Variants in TUSC3 observed in about 807,000 individuals in gnomAD.
TUSC3 encodes tumor suppressor candidate 3, also known as dolichyl-diphosphooligosaccharide--protein glycosyltransferase subunit TUSC3.
Under a neutral mutation model 44.8 loss-of-function variants are expected in TUSC3, and 45 were observed. That is an observed-to-expected ratio of 1.00 (90% CI 0.79 to 1.29). TUSC3 has a LOEUF of 1.29. Ranked by LOEUF, TUSC3 falls within the 50% of genes most tolerant of loss-of-function variation. The pLI, the probability that TUSC3 is intolerant of heterozygous loss-of-function variation, is 0.00. For synonymous variants in TUSC3, 212 were observed against 152.9 expected (o/e 1.39, Z -2.85); for missense variants, 519 against 437.9 (o/e 1.19, Z -1.65).
At chr8:15,829,155 T>A in the TUSC3 span, among the ~76,000 whole-genome samples, 3 of 152,216 alleles carry the variant, frequency 2.0e-5, no homozygotes, top group Admixed American at 6.5e-5. Flanking sequence ...AATTGCATGG[T>A]GTATGTACTG....
chr8:15,769,266 G>A (rs1302913642), downstream of TUSC3, among the ~76,000 whole-genome samples: 3 of 152,256 alleles, frequency 2.0e-5, no homozygotes, highest in South Asian at 4.2e-4. Context: ...AGAGGCCTCA[G>A]AAATAATACC....
chr8:15,753,038 TTAAG>T (rs1220113688), intron 9 of TUSC3, among the ~76,000 whole-genome samples: 2 of 152,008 alleles, frequency 1.3e-5, no homozygotes, highest in Admixed American at 6.6e-5. Flanking sequence ...TTAAACAAAT[TTAAG>T]TAATTTTTAT....
intron 1 of TUSC3, among the ~76,000 whole-genome samples, chr8:15,619,899 AAG>A (rs1480075604): frequency 1.3e-5 from 2 of 152,166 alleles, no homozygotes; most frequent in Admixed American, 1.3e-4. Flanking sequence ...ATTAGTAAGA[AAG>A]AGAGAGCATT....
intron 2 of TUSC3, among the ~76,000 whole-genome samples, chr8:15,485,294 T>A (rs1466697727): frequency 6.6e-6 from 1 of 152,196 alleles, no homozygotes. Context: ...CTGTGTTCTA[T>A]TAGAATTTCA....
chr8:15,520,486 T>G (rs1801282787), intron 2 of TUSC3, among the ~76,000 whole-genome samples: 1 of 152,198 alleles, frequency 6.6e-6, no homozygotes. Flanking sequence ...TTAGCTTCTG[T>G]TATTTAAATG....
chr8:15,537,866 G>T (rs1412395325), upstream of TUSC3, among the ~76,000 whole-genome samples: 4 of 152,140 alleles, frequency 2.6e-5, no homozygotes, highest in Admixed American at 2.6e-4. Context: ...TACTGATAAA[G>T]ATAATAAATT....
At chr8:15,851,086 T>C in the TUSC3 span, among the ~76,000 whole-genome samples, 4 of 152,330 alleles carry the variant, frequency 2.6e-5, no homozygotes, top group African/African-American at 9.6e-5. Context: ...GCGACGCTTT[T>C]CGGAAGGTAA....
At chr8:15,717,987 T>G (rs918188733) in intron 6 of TUSC3, among the ~76,000 whole-genome samples, 2 of 152,126 alleles carry the variant, frequency 1.3e-5, no homozygotes, top group Non-Finnish European at 2.9e-5. Flanking sequence ...CAAGACACTA[T>G]GTTTTGTATT....
At chr8:15,668,279 G>A (rs1251362175) in intron 5 of TUSC3, among the ~76,000 whole-genome samples, 3 of 151,572 alleles carry the variant, frequency 2.0e-5, no homozygotes, top group African/African-American at 7.3e-5. Context: ...TAGCATTGTA[G>A]GTCATGGCTG....
chr8:15,607,144 G>T (rs1163780482), intron 1 of TUSC3, among the ~76,000 whole-genome samples: 1 of 152,008 alleles, frequency 6.6e-6, no homozygotes, highest in East Asian at 1.9e-4. Context: ...CAAATGGTTG[G>T]GGGAGAGCGT....
rs1015475301 is a variant in TUSC3, at chr8:15,556,010, T to A, written c.138+15442T>A. 4.0e-5 allele frequency among the ~76,000 whole-genome samples: 6 copies of A among 150,006 alleles called. No homozygotes were observed. The East Asian group carries it at 5.9e-4, about 15-fold the overall frequency. On this transcript the variant is annotated intron_variant, in intron 1 of 10. Transcript: ENST00000503731. ...TATTTTTTATTTTTTTATTTTTTAT[T>A]TTTTTTTTATTATACTTTAAGTTTT... is the stretch of plus-strand genomic sequence containing the variant.
At chr8:15,475,317 C>T (rs533194486) in intron 1 of TUSC3, among the ~76,000 whole-genome samples, 11 of 152,230 alleles carry the variant, frequency 7.2e-5, no homozygotes, top group African/African-American at 9.6e-5. Context: ...TAGCCTGTCT[C>T]AGGGATAGTG....
intron 6 of TUSC3, among the ~76,000 whole-genome samples, chr8:15,700,551 C>A (rs573823734): frequency 6.6e-6 from 1 of 152,170 alleles, no homozygotes. Flanking sequence ...TGAAGAAAGG[C>A]CATATGCCTT....
intron 6 of TUSC3, among the ~76,000 whole-genome samples, chr8:15,679,339 C>T (rs886797849): frequency 8.6e-5 from 13 of 151,850 alleles, no homozygotes; most frequent in Non-Finnish European, 1.5e-4. Context: ...TTTTGATTGG[C>T]GTTTCTCTGA....
intron 1 of TUSC3, among the ~76,000 whole-genome samples, chr8:15,452,103 T>G (rs1317825770): frequency 6.6e-6 from 1 of 152,182 alleles, no homozygotes; most frequent in Non-Finnish European, 1.5e-5. Flanking sequence ...GCAACTGAAT[T>G]TAATGGTAAT....
intron 2 of TUSC3, among the ~76,000 whole-genome samples, chr8:15,624,305 A>G (rs1323227552): frequency 2.0e-5 from 3 of 151,698 alleles, no homozygotes; most frequent in Non-Finnish European, 2.9e-5. Context: ...TTTTTATGTG[A>G]ACTTACCGTT....
chr8:15,629,792 G>C (rs1009885439), intron 2 of TUSC3, among the ~76,000 whole-genome samples: 5 of 149,212 alleles, frequency 3.4e-5, no homozygotes, highest in African/African-American at 1.2e-4. Flanking sequence ...AGATTCTTCA[G>C]TTGATTTTCC....
At chr8:15,592,734 T>C (rs1302863379) in intron 1 of TUSC3, among the ~76,000 whole-genome samples, 2 of 152,190 alleles carry the variant, frequency 1.3e-5, no homozygotes, top group Admixed American at 1.3e-4. Context: ...TATTCCTTTA[T>C]AGCAATGCAA....
the TUSC3 span, among the ~76,000 whole-genome samples, chr8:15,822,421 G>C: frequency 1.6e-4 from 25 of 152,250 alleles, no homozygotes; most frequent in East Asian, 4.5e-3. Flanking sequence ...TAATATTCGA[G>C]AGAATTACCT....
Sources: gnomAD v4.1 joint callset for allele counts (sites outside exome capture counted in the v4.1 genomes callset) on GRCh38, gnomAD v4.1.1 for gene constraint, MANE v1.5 for transcripts, NCBI Gene and HGNC (gene_info 2026-07-23, HGNC 2026-07-21) for gene names.